The following FAM193A variants were observed in gnomAD, a reference collection of about 807,000 sequenced individuals.
FAM193A encodes protein FAM193A.
Under a neutral mutation model 126.5 loss-of-function variants are expected in FAM193A, and 22 were observed. The observed-to-expected ratio is 0.17, with a 90% CI of 0.12 to 0.25. The LOEUF (loss-of-function observed/expected upper bound fraction) is 0.25, where lower values mean the gene tolerates loss of function less well. Ranked by LOEUF, FAM193A falls within the 10% of genes least tolerant of loss-of-function variation. The pLI, the probability that FAM193A is intolerant of heterozygous loss-of-function variation, is 1.00. For synonymous variants in FAM193A, 761 were observed against 646.8 expected, an observed-to-expected ratio of 1.18 and a Z score of -2.68; for missense variants, 1,675 against 1,672.8, an observed-to-expected ratio of 1.00 and a Z score of -0.02.
Position 2,639,867 on chromosome 4 carries a change from G to C in FAM193A, c.1163+8G>C. On this transcript the variant is annotated splice_region_variant and intron_variant, in intron 6 of 20. Coordinates refer to ENST00000637812, the MANE Select transcript of FAM193A (RefSeq NM_001366318.2). ...ACTGGTGTCACAGATCAGGTATTTT[G>C]CCTTAACCCGTATGTGTCTTTGTGG... 1 of 1,612,888 alleles carries C rather than the reference G, an allele frequency of 6.2e-7. No individual in the cohort carries two copies. Among genetic ancestry groups the C allele is most frequent in the Non-Finnish European group, 8.5e-7 (1 of 1,179,378 alleles).
chr4:2,657,716 G>C, intron 7 of FAM193A, 87 bp from the exon 8 acceptor site: 2 of 803,250 alleles, frequency 2.5e-6, no homozygotes, highest in Non-Finnish European at 4.1e-6. Context: ...ATCATTTTAA[G>C]AAAGTCTCCT....
At chr4:2,586,843 G>A (rs1250916798) in intron 1 of FAM193A, among the ~76,000 whole-genome samples, 1 of 151,820 alleles carries the variant, frequency 6.6e-6, no homozygotes, top group Non-Finnish European at 1.5e-5. Context: ...TTGTAGAGAC[G>A]GGGTCTCCCT....
At chr4:2,569,294 G>A (rs993569346) in intron 1 of FAM193A, among the ~76,000 whole-genome samples, 2 of 151,990 alleles carry the variant, frequency 1.3e-5, no homozygotes, top group Non-Finnish European at 2.9e-5. Context: ...CCAGCTGATC[G>A]GAAACCCACG....
intron 1 of FAM193A, among the ~76,000 whole-genome samples, chr4:2,548,967 C>T (rs539139265): frequency 1.3e-5 from 2 of 151,680 alleles, no homozygotes; most frequent in Non-Finnish European, 1.5e-5. Context: ...CAGACAGAGT[C>T]TCATTCTGTC....
At chr4:2,628,701 C>T (rs1027677231) in intron 4 of FAM193A, among the ~76,000 whole-genome samples, 1 of 152,168 alleles carries the variant, frequency 6.6e-6, no homozygotes, top group Non-Finnish European at 1.5e-5. Flanking sequence ...ATAACCTTCA[C>T]GTCAAACCCA....
chr4:2,572,328 CAAA>C (rs374521496), intron 1 of FAM193A, among the ~76,000 whole-genome samples: 2 of 125,008 alleles, frequency 1.6e-5, no homozygotes, highest in African/African-American at 3.0e-5. Flanking sequence ...GACTTCATCT[CAAA>C]AAAAAAAAAA....
At position 2,712,254 on chromosome 4, in the gene FAM193A, A is replaced by G. The variant is rs546811763; in HGVS notation, c.4373-3769A>G. Among the ~76,000 whole-genome samples, 8 of 152,330 alleles carry G rather than the reference A, an allele frequency of 5.3e-5. No individual in the cohort carries two copies. The East Asian group carries it at 1.5e-3, about 29-fold the overall frequency. On this transcript the variant is annotated intron_variant, in intron 19 of 20. Coordinates refer to ENST00000637812, the MANE Select transcript of FAM193A (RefSeq NM_001366318.2). ...GAGATACATATATGTATACACCTCC[A>G]TGATACATTAATTCTGTTGTTTAGT...
intron 13 of FAM193A, among the ~76,000 whole-genome samples, chr4:2,678,472 C>G (rs1368777194): frequency 6.6e-6 from 1 of 150,808 alleles, no homozygotes; most frequent in African/African-American, 2.4e-5. Context: ...AAGCGATACT[C>G]CTGCCTCAGC....
At chr4:2,642,993 G>T (rs1744791163) in intron 6 of FAM193A, among the ~76,000 whole-genome samples, 1 of 152,006 alleles carries the variant, frequency 6.6e-6, no homozygotes, top group Admixed American at 6.6e-5. Context: ...TTGCTCATTG[G>T]GTATGATGGT....
intron 1 of FAM193A, among the ~76,000 whole-genome samples, chr4:2,573,065 G>C (rs1463397061): frequency 6.6e-6 from 1 of 152,064 alleles, no homozygotes; most frequent in Non-Finnish European, 1.5e-5. Flanking sequence ...ATGCTCTTGA[G>C]TTCTTGGTTG....
chr4:2,679,562 A>G (rs1031333146), intron 13 of FAM193A, among the ~76,000 whole-genome samples: 1 of 151,556 alleles, frequency 6.6e-6, no homozygotes, highest in Non-Finnish European at 1.5e-5. Context: ...TATTTTTAGT[A>G]GAGACAGGGT....
intron 1 of FAM193A, among the ~76,000 whole-genome samples, chr4:2,549,040 T>G (rs1737745546): frequency 6.7e-6 from 1 of 148,232 alleles, no homozygotes; most frequent in South Asian, 2.2e-4. Flanking sequence ...CCGGTTTAGG[T>G]GATTCTTGTG....
chr4:2,635,839 A>G (rs1183479766), intron 5 of FAM193A, among the ~76,000 whole-genome samples: 1 of 152,150 alleles, frequency 6.6e-6, no homozygotes, highest in Non-Finnish European at 1.5e-5. Flanking sequence ...CACCCGGCCA[A>G]CATATTTCTT....
chr4:2,649,813 T>C (rs1472383908), intron 7 of FAM193A, among the ~76,000 whole-genome samples: 1 of 152,182 alleles, frequency 6.6e-6, no homozygotes, highest in Non-Finnish European at 1.5e-5. Context: ...CCATGGCCTG[T>C]TAGGAACCAG....
chr4:2,636,282 C>G (rs993814465), intron 5 of FAM193A, among the ~76,000 whole-genome samples: 2 of 151,978 alleles, frequency 1.3e-5, no homozygotes, highest in South Asian at 2.1e-4. Flanking sequence ...CCAGGATGGT[C>G]TCGATCTCCT....
intron 1 of FAM193A, among the ~76,000 whole-genome samples, chr4:2,577,568 G>A (rs147759413): frequency 2.6e-3 from 392 of 151,816 alleles, no homozygotes; most frequent in African/African-American, 8.3e-3. Flanking sequence ...ACAGGCGCCC[G>A]CCACCACACC....
In FAM193A at chr4:2,732,191, T is replaced by G; in HGVS notation, c.*323T>G. The G allele has an allele frequency of 2.6e-6, 1 of 378,844 alleles. No individual in the cohort carries two copies. The highest frequency in any genetic ancestry group is 5.0e-6 in the Non-Finnish European group (1 of 199,026). The allele number at this position is 378,844 out of a possible 1,614,324, so 23.5% of individuals were successfully genotyped here. A position where few individuals can be genotyped will look rare whatever the true frequency, so the allele number is the denominator to read the frequency against. On this transcript the variant is annotated 3_prime_UTR_variant, in exon 21 of 21. Transcript: ENST00000637812. ...AGTTTGCATCATCCACGTGGCTCCG[T>G]TGCCTCTGCATTGCGCCCTGTCCTG...
At chr4:2,641,919 C>T (rs1418779969) in intron 6 of FAM193A, among the ~76,000 whole-genome samples, 1 of 149,744 alleles carries the variant, frequency 6.7e-6, no homozygotes, top group Non-Finnish European at 1.5e-5. Context: ...GACTGGGTAA[C>T]AGCGAGACCC....
At chr4:2,652,237 T>C (rs1210085250) in intron 7 of FAM193A, among the ~76,000 whole-genome samples, 1 of 152,096 alleles carries the variant, frequency 6.6e-6, no homozygotes. Flanking sequence ...GTCCTGGTGT[T>C]GAACAGGAGA....
Sources: allele counts gnomAD v4.1 joint callset (sites outside exome capture counted in the v4.1 genomes callset), GRCh38; gene constraint gnomAD v4.1.1; transcripts MANE v1.5; gene names NCBI Gene and HGNC (gene_info 2026-07-23, HGNC 2026-07-21).